The following EEF1G variants were observed in gnomAD, a reference collection of about 807,000 sequenced individuals.
The protein encoded by EEF1G is elongation factor 1-gamma.
In EEF1G, 14 loss-of-function variants were observed where a neutral mutation model predicts 58.3. That is an observed-to-expected ratio of 0.24 (90% CI 0.16 to 0.38). The LOEUF is 0.38. EEF1G is among the 10% of genes least tolerant of loss of function. EEF1G has a pLI of 1.00. For missense variants in EEF1G, 322 were observed against 550.1 expected (o/e 0.59, Z 4.15); for synonymous variants, 180 against 206.8 (o/e 0.87, Z 1.11).
At chr11:62,572,310 C>G (rs1162353120) in intron 2 of EEF1G, among the ~76,000 whole-genome samples, 2 of 152,196 alleles carry the variant, frequency 1.3e-5, no homozygotes, top group Admixed American at 1.3e-4. Flanking sequence ...CTGCTCATAA[C>G]AGATATCTGA....
rs1392252916 is a variant in EEF1G, at chr11:62,567,022, G to A, written c.653-12C>T. On this transcript the variant is annotated splice_polypyrimidine_tract_variant and intron_variant, in intron 6 of 9. Transcript: ENST00000329251. ...TGCAAACTTTTTAGCTGGTGCAGAG[G>A]AAGGCAGGAAAGTGAACGAATGTTC... 3 of 1,613,368 alleles carry A rather than the reference G, an allele frequency of 1.9e-6. No homozygotes were observed. Among genetic ancestry groups the A allele is most frequent in the African/African-American group, 2.7e-5 (2 of 74,812 alleles).
At position 62,571,690 on chromosome 11, in the gene EEF1G, G is replaced by A. The variant is rs892249252; in HGVS notation, c.236-8C>T. 1 of 1,583,966 alleles carries A rather than the reference G, an allele frequency of 6.3e-7. No homozygotes were observed. The highest frequency in any genetic ancestry group is 1.3e-5 in the African/African-American group (1 of 74,140). On this transcript the variant is annotated splice_region_variant and splice_polypyrimidine_tract_variant and intron_variant, in intron 3 of 9. Transcript: ENST00000329251. ...GCAGCTCCTCATTGCTCACTGCAGA[G>A]GCAGAACACGAAGGTCAGAACTCTG...
At chr11:62,569,819 G>A (rs115048887) in intron 5 of EEF1G, among the ~76,000 whole-genome samples, 4,080 of 152,186 alleles carry the variant, frequency 0.027, 179 homozygotes, top group African/African-American at 0.092. Flanking sequence ...TTTTTCTTTT[G>A]CTATGATCAC....
intron 5 of EEF1G, among the ~76,000 whole-genome samples, chr11:62,569,292 T>A (rs1044125647): frequency 2.0e-5 from 3 of 152,038 alleles, no homozygotes; most frequent in Non-Finnish European, 4.4e-5. Context: ...CTGACCAACA[T>A]GGCAAAACCC....
intron 7 of EEF1G, among the ~76,000 whole-genome samples, chr11:62,562,828 G>C (rs1370272281): frequency 6.6e-5 from 10 of 152,138 alleles, no homozygotes; most frequent in Non-Finnish European, 4.4e-5. Context: ...TTTCAAAGAT[G>C]TAGCCATGAC....
At chr11:62,564,783 G>T (rs1319970698) in intron 7 of EEF1G, among the ~76,000 whole-genome samples, 1 of 51,528 alleles carries the variant, frequency 1.9e-5, no homozygotes, top group African/African-American at 7.4e-5. Context: ...AAAAAAAAAA[G>T]GGGGCCAGGC....
intron 1 of EEF1G, chr11:62,573,463 A>G (rs1306392446): frequency 6.1e-6 from 2 of 328,014 alleles, no homozygotes; most frequent in Non-Finnish European, 5.7e-6. Flanking sequence ...GGACCTGCCT[A>G]CAAAGACCCT....
At chr11:62,564,660 G>A (rs756323944) in intron 7 of EEF1G, among the ~76,000 whole-genome samples, 3 of 148,120 alleles carry the variant, frequency 2.0e-5, no homozygotes, top group African/African-American at 5.0e-5. Flanking sequence ...TACTCAAGAG[G>A]CTGAAGCAGA....
intron 7 of EEF1G, among the ~76,000 whole-genome samples, chr11:62,562,788 C>T (rs920237375): frequency 2.0e-5 from 3 of 151,724 alleles, no homozygotes; most frequent in Non-Finnish European, 4.4e-5. Flanking sequence ...CCAGGATAAT[C>T]TTTTATGTAT....
In EEF1G at chr11:62,559,857, A is replaced by T. The variant is rs771158368; in HGVS notation, c.1156-20T>A. The T allele has an allele frequency of 6.2e-7, 1 of 1,613,970 alleles. No homozygotes were observed. Among genetic ancestry groups the T allele is most frequent in the Admixed American group, 1.7e-5 (1 of 60,016 alleles). On this transcript the variant is annotated intron_variant, in intron 9 of 9. Transcript: ENST00000329251. ...ACTCAGCTGGGGATAAAAAGCCAGC[A>T]TGTGGTCAAGTTATGAGACACCACC...
intron 5 of EEF1G, 150 bp downstream of exon 5, chr11:62,570,815 C>G: frequency 9.3e-7 from 1 of 1,071,140 alleles, no homozygotes; most frequent in South Asian, 1.4e-5. Flanking sequence ...CTCGGCCCCC[C>G]AGTGTGCTCG....
In EEF1G at chr11:62,560,144, G is replaced by A; in HGVS notation, c.1080C>T (p.Val360=). The A allele has an allele frequency of 6.2e-7, 1 of 1,614,038 alleles. No homozygotes were observed. Residue 360 remains valine, a synonymous_variant, in exon 9 of 10, where the codon GTC becomes GTT. Transcript: ENST00000329251. Reference sequence around the variant, plus strand: ...TGCTATTGTTGGTTCCAAAAAGGATGACACTGGCGAAGGCATTCTTCCTCA... The same window carrying A: ...TGCTATTGTTGGTTCCAAAAAGGATAACACTGGCGAAGGCATTCTTCCTCA... ...DKLRKNAFAS[V]ILFGTNNSSS...
At chr11:62,563,023 T>C (rs1188606672) in intron 7 of EEF1G, among the ~76,000 whole-genome samples, 1 of 151,738 alleles carries the variant, frequency 6.6e-6, no homozygotes, top group South Asian at 2.1e-4. Context: ...GGCAAGAGAA[T>C]TGCTTGAGTC....
In EEF1G at chr11:62,566,214, C is replaced by T. The variant is rs1941553834; in HGVS notation, c.857+592G>A. The stretch of plus-strand genomic sequence containing the variant: ...ATATTATTTCTTCCAAGAAGCCCTA[C>T]CTTTAACTGAAAAAGGGATACAGAG... On this transcript the variant is annotated intron_variant, in intron 7 of 9. Coordinates refer to ENST00000329251, the MANE Select transcript of EEF1G (RefSeq NM_001404.5). Among the ~76,000 whole-genome samples, 3 of 152,130 alleles carry T rather than the reference C, an allele frequency of 2.0e-5. No individual in the cohort carries two copies. The South Asian group carries it at 6.2e-4, about 31-fold the overall frequency.
intron 6 of EEF1G, among the ~76,000 whole-genome samples, 172 bp downstream of exon 6, chr11:62,567,227 T>C (rs542941942): frequency 6.6e-6 from 1 of 152,256 alleles, no homozygotes; most frequent in Non-Finnish European, 1.5e-5. Flanking sequence ...GTAATACAAA[T>C]TAGTCAGGGT....
In EEF1G at chr11:62,571,645, T is replaced by C; in HGVS notation, c.273A>G (p.Ala91=). 1 of 1,587,114 alleles carries C rather than the reference T, an allele frequency of 6.3e-7. No homozygotes were observed. Among genetic ancestry groups the C allele is most frequent in the Non-Finnish European group, 8.6e-7 (1 of 1,166,856 alleles). ...NEELRGSTPE[A]AAQVVQWVSF... ...TCACCCACTGCACCACCTGGGCTGCTGCCTCTGGAGTACTTCCCCGCAGCT... is the reference window on the plus strand; with the variant it reads ...TCACCCACTGCACCACCTGGGCTGCCGCCTCTGGAGTACTTCCCCGCAGCT... Residue 91 remains alanine (A), a synonymous_variant, in exon 4 of 10, where the codon GCA becomes GCG. Coordinates refer to ENST00000329251, the MANE Select transcript of EEF1G (RefSeq NM_001404.5).
At chr11:62,566,336 G>A (rs1466931345) in intron 7 of EEF1G, among the ~76,000 whole-genome samples, 3 of 152,154 alleles carry the variant, frequency 2.0e-5, no homozygotes, top group Non-Finnish European at 4.4e-5. Flanking sequence ...TTTTCTTAGT[G>A]AGCAATTTTT....
chr11:62,566,060 A>G (rs373172264), intron 7 of EEF1G, among the ~76,000 whole-genome samples: 11 of 152,206 alleles, frequency 7.2e-5, no homozygotes, highest in African/African-American at 1.4e-4. Flanking sequence ...CACAGAATAT[A>G]TATTTCTCAA....
In EEF1G at chr11:62,559,822, G is replaced by C. The variant is rs754724020; in HGVS notation, c.1171C>G (p.Gln391Glu). Residue 391 changes from glutamine to glutamate, a missense_variant, in exon 10 of 10, where the codon CAG (glutamine) becomes GAG (glutamate). Gln to Glu is a conservative substitution (Grantham distance 29, BLOSUM62 2). Transcript: ENST00000329251. ...CATGTGTATGACTCGTAGTCCACCT[G>C]CCAATCTGGACTCAGCTGGGGATAA... ...ELAFPLSPDW[Q>E]VDYESYTWRK... 3 of 1,613,888 alleles carry C rather than the reference G, an allele frequency of 1.9e-6. No individual in the cohort carries two copies. The African/African-American group carries it at 4.0e-5, about 22-fold the overall frequency.
Sources: gnomAD v4.1 joint callset for allele counts (sites outside exome capture counted in the v4.1 genomes callset) on GRCh38, gnomAD v4.1.1 for gene constraint, MANE v1.5 for transcripts, NCBI Gene and HGNC (gene_info 2026-07-23, HGNC 2026-07-21) for gene names.